EYA2: variants seen among roughly 807,000 people sequenced by gnomAD.
EYA2 encodes protein phosphatase EYA2.
A neutral mutation model predicts 69.2 loss-of-function variants in EYA2; 31 were observed. The observed-to-expected ratio is 0.45, with a 90% CI of 0.34 to 0.60. The LOEUF is 0.60. EYA2 is among the 20% of genes least tolerant of loss of function. The probability of loss-of-function intolerance (pLI) is 0.02; values close to 1 mark genes in which losing one functional copy is unlikely to be tolerated. For synonymous variants in EYA2, 257 were observed against 279.4 expected (o/e 0.92, Z 0.80); for missense variants, 622 against 701.2 (o/e 0.89, Z 1.28).
intron 7 of EYA2, among the ~76,000 whole-genome samples, chr20:47,084,312 C>T (rs569118806): frequency 7.2e-4 from 109 of 152,134 alleles, no homozygotes; most frequent in African/African-American, 2.5e-3. Context: ...AGGCCAAGGA[C>T]GGCAGATTGC....
intron 10 of EYA2, among the ~76,000 whole-genome samples, chr20:47,159,632 G>A (rs1393075498): frequency 6.6e-6 from 1 of 152,048 alleles, no homozygotes; most frequent in Non-Finnish European, 1.5e-5. Context: ...TTAACAAAAG[G>A]AGAAAGTGGG....
intron 12 of EYA2, among the ~76,000 whole-genome samples, chr20:47,179,534 A>G (rs758200777): frequency 2.0e-5 from 2 of 100,956 alleles, no homozygotes; most frequent in South Asian, 3.4e-4. Context: ...GGGTAGGTAG[A>G]TAGATGGGTG....
At chr20:46,896,195 C>T (rs529915328) in intron 1 of EYA2, among the ~76,000 whole-genome samples, 84 of 152,238 alleles carry the variant, frequency 5.5e-4, no homozygotes, top group Non-Finnish European at 9.0e-4. Context: ...AATTTGAGCA[C>T]TGAATTATGT....
At chr20:47,152,547 C>A (rs1371406672) in intron 10 of EYA2, among the ~76,000 whole-genome samples, 2 of 151,818 alleles carry the variant, frequency 1.3e-5, no homozygotes, top group Non-Finnish European at 1.5e-5. Context: ...CATGGTGGCT[C>A]ACGCCAGTAA....
intron 2 of EYA2, among the ~76,000 whole-genome samples, chr20:46,999,943 C>G (rs1043723604): frequency 3.3e-5 from 5 of 152,196 alleles, no homozygotes; most frequent in Non-Finnish European, 4.4e-5. Context: ...GGGCCTGGCA[C>G]ATAGTCAACC....
chr20:47,108,502 C>T (rs1386233581), intron 9 of EYA2, among the ~76,000 whole-genome samples: 2 of 152,224 alleles, frequency 1.3e-5, no homozygotes, highest in Non-Finnish European at 2.9e-5. Context: ...TCCCTAGCCT[C>T]AGATATTCCT....
intron 8 of EYA2, 135 bp downstream of exon 8, chr20:47,089,516 G>A: frequency 9.6e-7 from 1 of 1,040,274 alleles, no homozygotes; most frequent in South Asian, 1.7e-5. Context: ...GAGCAGGGAA[G>A]CATGAGGTTG....
intron 1 of EYA2, among the ~76,000 whole-genome samples, chr20:46,920,447 A>AT (rs1471470489): frequency 6.6e-6 from 1 of 152,022 alleles, no homozygotes; most frequent in African/African-American, 2.4e-5. Context: ...AAAATTTCTC[A>AT]TTTTTTGTTT....
At position 47,143,444 on chromosome 20, in the gene EYA2, A is replaced by G. The variant is rs555522165; in HGVS notation, c.978+296A>G. On this transcript the variant is annotated intron_variant, in intron 10 of 15. Coordinates refer to ENST00000327619, the MANE Select transcript of EYA2 (RefSeq NM_005244.5). ...CAGTTTTACTAATCCAATAATGGCT[A>G]TGTAGTTTCTTCCTCCTGAAATTTG... Among the ~76,000 whole-genome samples the G allele has an allele frequency of 2.2e-3, 331 of 152,234 alleles. 1 individual carries two copies. Among genetic ancestry groups the G allele is most frequent in the South Asian group, 0.015 (73 of 4,818 alleles).
At chr20:47,107,481 A>T (rs1016816125) in intron 9 of EYA2, among the ~76,000 whole-genome samples, 1 of 147,788 alleles carries the variant, frequency 6.8e-6, no homozygotes. Flanking sequence ...AGCCTAGATC[A>T]TGCCACTGTA....
At chr20:47,133,567 A>G (rs574071918) in intron 9 of EYA2, among the ~76,000 whole-genome samples, 2 of 152,184 alleles carry the variant, frequency 1.3e-5, no homozygotes, top group African/African-American at 2.4e-5. Context: ...TTCGGCCTCA[A>G]TGATTGACTA....
chr20:46,931,805 G>A (rs958737671), intron 1 of EYA2, among the ~76,000 whole-genome samples: 11 of 152,048 alleles, frequency 7.2e-5, no homozygotes, highest in East Asian at 1.9e-4. Flanking sequence ...AGGAGTAGCC[G>A]GATTTGGCTT....
intron 7 of EYA2, among the ~76,000 whole-genome samples, chr20:47,083,405 C>T (rs12481566): frequency 0.075 from 11,441 of 151,788 alleles, 560 homozygotes; most frequent in East Asian, 0.24. Context: ...GATGAAACCC[C>T]GTCTCTACTA....
chr20:47,027,674 G>A (rs1234427259), intron 5 of EYA2, among the ~76,000 whole-genome samples: 2 of 152,182 alleles, frequency 1.3e-5, no homozygotes, highest in East Asian at 3.9e-4. Flanking sequence ...TTTGGGATCA[G>A]GAGGGAGTTT....
chr20:47,070,415 C>A (rs569516257), intron 5 of EYA2, among the ~76,000 whole-genome samples: 1 of 152,202 alleles, frequency 6.6e-6, no homozygotes, highest in South Asian at 2.1e-4. Context: ...GCTGGAGAAT[C>A]GAGAACTCTC....
At chr20:47,143,227 TTTCC>T in intron 10 of EYA2, 79 bp downstream of exon 10, 1 of 1,191,852 alleles carries the variant, frequency 8.4e-7, no homozygotes, top group Non-Finnish European at 1.2e-6. Context: ...GGATGCTGCC[TTTCC>T]TTTCTTTTTC....
Position 46,983,581 on chromosome 20 carries a change from C to A in EYA2, c.-10-6420C>A, listed in dbSNP as rs192102827. Among the ~76,000 whole-genome samples, 1,440 of 152,288 alleles carry A rather than the reference C, an allele frequency of 9.5e-3. 26 individuals carry two copies. Among genetic ancestry groups the A allele is most frequent in the African/African-American group, 0.033 (1,361 of 41,554 alleles). ...TTAATTTCTTGCCTTTATAGCTACC[C>A]CCTTTTTGCTTGGTTTCTCTGCCTC... On this transcript the variant is annotated intron_variant, in intron 1 of 15. Transcript: ENST00000327619.
At chr20:47,105,658 T>G (rs1478697656) in intron 9 of EYA2, among the ~76,000 whole-genome samples, 1 of 150,670 alleles carries the variant, frequency 6.6e-6, no homozygotes, top group Non-Finnish European at 1.5e-5. Flanking sequence ...GCCCAAATGT[T>G]TCCTCATCAA....
chr20:46,995,993 A>G (rs1027879232), intron 2 of EYA2, among the ~76,000 whole-genome samples: 33 of 152,246 alleles, frequency 2.2e-4, no homozygotes, highest in African/African-American at 7.2e-4. Context: ...GCTGTATTGC[A>G]GCACAGCCAA....
Sources: gnomAD v4.1 joint callset for allele counts (sites outside exome capture counted in the v4.1 genomes callset) on GRCh38, gnomAD v4.1.1 for gene constraint, MANE v1.5 for transcripts, NCBI Gene and HGNC (gene_info 2026-07-23, HGNC 2026-07-21) for gene names.